The following DOK6 variants were observed in gnomAD, a reference collection of about 807,000 sequenced individuals.
DOK6 encodes docking protein 6, also known as downstream of tyrosine kinase 6.
DOK6 carries 22 observed loss-of-function variants against 44.0 expected under a neutral mutation model. That is an observed-to-expected ratio of 0.50 (90% CI 0.36 to 0.71). The LOEUF is 0.71. DOK6 is among the 30% of genes least tolerant of loss of function. The probability of loss-of-function intolerance (pLI) is 0.00; values close to 1 mark genes in which losing one functional copy is unlikely to be tolerated. For missense variants in DOK6, 340 were observed against 416.4 expected (o/e 0.82, Z 1.60); for synonymous variants, 166 against 145.5 (o/e 1.14, Z -1.01).
At chr18:69,689,332 CTCTT>C (rs1457296594) in intron 4 of DOK6, among the ~76,000 whole-genome samples, 3 of 152,140 alleles carry the variant, frequency 2.0e-5, no homozygotes, top group Admixed American at 1.3e-4. Context: ...ATATAGTTCA[CTCTT>C]TCAAGAATGA....
intron 1 of DOK6, among the ~76,000 whole-genome samples, chr18:69,413,349 G>A (rs189298165): frequency 4.1e-4 from 62 of 152,122 alleles, no homozygotes; most frequent in African/African-American, 1.3e-3. Flanking sequence ...TTGGACATTA[G>A]AGCATCATTA....
chr18:69,498,164 C>A (rs562337938), intron 1 of DOK6, among the ~76,000 whole-genome samples: 36 of 152,102 alleles, frequency 2.4e-4, no homozygotes, highest in Non-Finnish European at 4.0e-4. Flanking sequence ...AGAAAATTCA[C>A]TTTGGGAAAA....
intron 2 of DOK6, among the ~76,000 whole-genome samples, chr18:69,565,999 G>A (rs1299083619): frequency 1.3e-5 from 2 of 152,204 alleles, no homozygotes; most frequent in African/African-American, 4.8e-5. Context: ...TAGTTTGTAA[G>A]TAAAATTTTG....
At chr18:69,751,224 T>A (rs902708225) in intron 6 of DOK6, among the ~76,000 whole-genome samples, 2 of 152,202 alleles carry the variant, frequency 1.3e-5, no homozygotes, top group East Asian at 1.9e-4. Context: ...GTATTGTACA[T>A]TTCAAAATTA....
At chr18:69,729,714 C>T (rs1160117595) in intron 5 of DOK6, among the ~76,000 whole-genome samples, 1 of 152,150 alleles carries the variant, frequency 6.6e-6, no homozygotes, top group Non-Finnish European at 1.5e-5. Flanking sequence ...GAAATTCCCA[C>T]ACACAATCTG....
intron 1 of DOK6, among the ~76,000 whole-genome samples, chr18:69,497,317 G>A (rs904265845): frequency 6.6e-6 from 1 of 152,150 alleles, no homozygotes. Flanking sequence ...AAGCTAAAGG[G>A]TCAGACTAGA....
intron 3 of DOK6, among the ~76,000 whole-genome samples, chr18:69,666,012 G>A (rs1436797452): frequency 6.6e-6 from 1 of 152,052 alleles, no homozygotes; most frequent in East Asian, 1.9e-4. Context: ...TTTAAGAAAG[G>A]GCATGTAGCT....
chr18:69,576,081 T>C (rs1332284308), intron 2 of DOK6, among the ~76,000 whole-genome samples: 1 of 152,174 alleles, frequency 6.6e-6, no homozygotes, highest in African/African-American at 2.4e-5. Flanking sequence ...GAAGTGTACA[T>C]TGGCCAAGTT....
At chr18:69,668,079 C>A (rs9953635) in intron 3 of DOK6, among the ~76,000 whole-genome samples, 52,194 of 151,942 alleles carry the variant, frequency 0.34, 9,268 homozygotes, top group Middle Eastern at 0.39. Context: ...TGTAAAGGCT[C>A]AAACTTTTGT....
At chr18:69,781,055 C>A (rs542093764) in intron 7 of DOK6, among the ~76,000 whole-genome samples, 1 of 152,278 alleles carries the variant, frequency 6.6e-6, no homozygotes, top group South Asian at 2.1e-4. Context: ...GCAATCCCCA[C>A]AAACAATTTC....
At chr18:69,806,737 CTGGGCAGGTTATAATATAATA>C (rs1981061551) in intron 7 of DOK6, among the ~76,000 whole-genome samples, 1 of 151,898 alleles carries the variant, frequency 6.6e-6, no homozygotes, top group South Asian at 2.1e-4. Context: ...ACTCACACCA[CTGGGCAGGTTATAATATAATA>C]TCATTATGTT....
chr18:69,564,943 A>C (rs2144598322), intron 2 of DOK6, among the ~76,000 whole-genome samples: 1 of 152,316 alleles, frequency 6.6e-6, no homozygotes, highest in Non-Finnish European at 1.5e-5. Context: ...TACTAGATAA[A>C]AATTAGGGGG....
intron 2 of DOK6, among the ~76,000 whole-genome samples, chr18:69,584,462 T>C (rs1010269480): frequency 6.6e-6 from 1 of 152,078 alleles, no homozygotes; most frequent in African/African-American, 2.4e-5. Context: ...GGCTAACTTT[T>C]GTATTTTTCA....
chr18:69,806,805 A>T (rs1024225910), intron 7 of DOK6, among the ~76,000 whole-genome samples: 4 of 151,996 alleles, frequency 2.6e-5, no homozygotes, highest in Admixed American at 6.6e-5. Flanking sequence ...ATTGCATGCA[A>T]ATTGACTGTT....
chr18:69,823,055 A>G (rs1981624913), intron 7 of DOK6, among the ~76,000 whole-genome samples: 1 of 152,226 alleles, frequency 6.6e-6, no homozygotes, highest in Non-Finnish European at 1.5e-5. Context: ...TGTGCAGGGC[A>G]AGATGAGACA....
chr18:69,712,138 G>A (rs897106193), intron 5 of DOK6, among the ~76,000 whole-genome samples: 12 of 149,280 alleles, frequency 8.0e-5, no homozygotes, highest in Admixed American at 5.3e-4. Flanking sequence ...AAAATTAGCC[G>A]GGCGTAGTGG....
At chr18:69,766,764 G>A (rs890953728) in intron 7 of DOK6, among the ~76,000 whole-genome samples, 8 of 152,142 alleles carry the variant, frequency 5.3e-5, no homozygotes, top group African/African-American at 1.9e-4. Flanking sequence ...GGTCCATACT[G>A]TGTTGTTTAA....
chr18:69,498,084 A>T (rs1599159950), intron 1 of DOK6, among the ~76,000 whole-genome samples: 1 of 152,092 alleles, frequency 6.6e-6, no homozygotes, highest in Admixed American at 6.6e-5. Flanking sequence ...ACACACAAAA[A>T]ATGAATACTT....
rs1982007983 is a variant in DOK6, at chr18:69,532,332, T to A, written c.67-32155T>A. 2.0e-5 allele frequency among the ~76,000 whole-genome samples: 3 copies of A among 152,310 alleles called. No individual in the cohort carries two copies. The South Asian group carries it at 6.2e-4, about 32-fold the overall frequency. ...GCAGAGCTCTCAGTGTCATTTTTAG[T>A]CTACACAGTAAGACTTTCTATTTTT... On this transcript the variant is annotated intron_variant, in intron 1 of 7. Transcript: ENST00000382713.
Sources: gnomAD v4.1 joint callset for allele counts (sites outside exome capture counted in the v4.1 genomes callset) on GRCh38, gnomAD v4.1.1 for gene constraint, MANE v1.5 for transcripts, NCBI Gene and HGNC (gene_info 2026-07-23, HGNC 2026-07-21) for gene names.